The following NCALD variants were observed in gnomAD, a reference collection of about 807,000 sequenced individuals.
NCALD encodes the protein neurocalcin delta.
NCALD carries 10 observed loss-of-function variants against 18.6 expected under a neutral mutation model. That is an observed-to-expected ratio of 0.54 (90% CI 0.33 to 0.91). NCALD has a LOEUF of 0.91. Ranked by LOEUF, NCALD falls within the 40% of genes least tolerant of loss-of-function variation. NCALD has a pLI of 0.03. For synonymous variants in NCALD, 88 were observed against 87.4 expected, an observed-to-expected ratio of 1.01 and a Z score of -0.04; for missense variants, 184 against 247.6, an observed-to-expected ratio of 0.74 and a Z score of 1.72.
chr8:102,038,824 T>G (rs181329292), intron 1 of NCALD, among the ~76,000 whole-genome samples: 1 of 152,146 alleles, frequency 6.6e-6, no homozygotes, highest in East Asian at 1.9e-4. Flanking sequence ...GGATGGTCAC[T>G]TCCTCAATTA....
At chr8:101,735,394 A>G (rs1817031653) in intron 1 of NCALD, among the ~76,000 whole-genome samples, 1 of 152,114 alleles carries the variant, frequency 6.6e-6, no homozygotes, top group South Asian at 2.1e-4. Context: ...CGGGACAAAG[A>G]TGGGTGTGTC....
At chr8:101,866,506 T>A (rs140461142) in intron 4 of NCALD, among the ~76,000 whole-genome samples, 1 of 152,224 alleles carries the variant, frequency 6.6e-6, no homozygotes, top group Non-Finnish European at 1.5e-5. Flanking sequence ...GTCTAATAGA[T>A]GTTTAGGACT....
chr8:102,046,117 A>G (rs1823230095), intron 1 of NCALD, among the ~76,000 whole-genome samples: 1 of 152,224 alleles, frequency 6.6e-6, no homozygotes, highest in South Asian at 2.1e-4. Flanking sequence ...AAAGTAATTC[A>G]TTGTTGGCTG....
intron 1 of NCALD, among the ~76,000 whole-genome samples, chr8:101,767,729 C>G (rs117171230): frequency 0.011 from 1,731 of 152,330 alleles, 79 homozygotes; most frequent in East Asian, 0.11. Context: ...GCAAATGCTG[C>G]AAGTTCAATG....
chr8:101,723,750 G>T (rs1044504148), intron 1 of NCALD, among the ~76,000 whole-genome samples: 20 of 152,048 alleles, frequency 1.3e-4, no homozygotes, highest in African/African-American at 4.8e-4. Context: ...ATTCAGATAA[G>T]CCCACAAATT....
chr8:101,949,165 A>G (rs1819291993), intron 2 of NCALD, among the ~76,000 whole-genome samples: 1 of 152,226 alleles, frequency 6.6e-6, no homozygotes, highest in African/African-American at 2.4e-5. Context: ...GTATTTGCAT[A>G]GAACTTTCAT....
chr8:101,912,590 C>T (rs1052278424), intron 3 of NCALD, among the ~76,000 whole-genome samples: 1 of 152,226 alleles, frequency 6.6e-6, no homozygotes, highest in Non-Finnish European at 1.5e-5. Flanking sequence ...TTATTTACCT[C>T]GTGCTATAGT....
At chr8:101,949,878 T>C (rs915256145) in intron 2 of NCALD, among the ~76,000 whole-genome samples, 1 of 152,200 alleles carries the variant, frequency 6.6e-6, no homozygotes, top group Non-Finnish European at 1.5e-5. Context: ...GAAAGGGTTA[T>C]TCTGCAGCTG....
intron 1 of NCALD, among the ~76,000 whole-genome samples, chr8:102,071,203 A>C (rs1438805896): frequency 6.6e-6 from 1 of 152,106 alleles, no homozygotes; most frequent in Non-Finnish European, 1.5e-5. Context: ...AGGAACCACA[A>C]ACCAAGCAGA....
chr8:102,098,395 C>A (rs1225486036), intron 1 of NCALD, among the ~76,000 whole-genome samples: 1 of 152,132 alleles, frequency 6.6e-6, no homozygotes, highest in Middle Eastern at 3.2e-3. Context: ...GCCAGTCTTC[C>A]CTCTCCAGCT....
intron 2 of NCALD, among the ~76,000 whole-genome samples, chr8:101,949,931 C>A (rs1488876662): frequency 6.6e-6 from 1 of 152,170 alleles, no homozygotes; most frequent in Admixed American, 6.5e-5. Context: ...GGTGAGTCAC[C>A]ATCCATCAGG....
chr8:102,042,186 G>T (rs1000292188), intron 1 of NCALD, among the ~76,000 whole-genome samples: 2 of 151,902 alleles, frequency 1.3e-5, no homozygotes, highest in Non-Finnish European at 2.9e-5. Flanking sequence ...AGACTCCAAG[G>T]CAGAATTTCA....
intron 3 of NCALD, chr8:101,690,476 C>G (rs1311135903): frequency 2.0e-6 from 2 of 985,370 alleles, no homozygotes; most frequent in African/African-American, 3.5e-5. Context: ...TCAGCACGTC[C>G]TTGGACTCTC....
chr8:101,927,691 A>C (rs932128975), intron 2 of NCALD, among the ~76,000 whole-genome samples: 1 of 152,104 alleles, frequency 6.6e-6, no homozygotes, highest in African/African-American at 2.4e-5. Context: ...GATTGCAAGG[A>C]GCTCCTTCCA....
intron 1 of NCALD, among the ~76,000 whole-genome samples, chr8:102,070,837 G>A (rs930134010): frequency 1.3e-5 from 2 of 152,164 alleles, no homozygotes. Context: ...ACCGGGAAAA[G>A]ACCATCACCC....
At chr8:101,892,900 A>G (rs1210772757) in intron 3 of NCALD, among the ~76,000 whole-genome samples, 1 of 149,798 alleles carries the variant, frequency 6.7e-6, no homozygotes, top group Non-Finnish European at 1.5e-5. Flanking sequence ...GTGTACCAGA[A>G]AGTGATGGGG....
At chr8:101,775,265 C>T (rs953151332) in intron 1 of NCALD, among the ~76,000 whole-genome samples, 1 of 152,184 alleles carries the variant, frequency 6.6e-6, no homozygotes, top group Non-Finnish European at 1.5e-5. Flanking sequence ...TATTCCAGCA[C>T]TACTTGTTAA....
intron 1 of NCALD, among the ~76,000 whole-genome samples, chr8:102,048,108 A>G (rs1249620553): frequency 6.6e-6 from 1 of 152,230 alleles, no homozygotes; most frequent in African/African-American, 2.4e-5. Context: ...ACATAAAAAT[A>G]TAATTAATTA....
chr8:101,821,825 G>T (rs1813729197), intron 4 of NCALD, among the ~76,000 whole-genome samples: 1 of 147,382 alleles, frequency 6.8e-6, no homozygotes, highest in African/African-American at 2.5e-5. Flanking sequence ...AACCACTTTG[G>T]CAATCTACTC....
Sources: allele counts gnomAD v4.1 joint callset (sites outside exome capture counted in the v4.1 genomes callset), GRCh38; gene constraint gnomAD v4.1.1; transcripts MANE v1.5; gene names NCBI Gene and HGNC (gene_info 2026-07-23, HGNC 2026-07-21).